Variants in RNF180 observed in about 807,000 individuals in gnomAD.
RNF180 encodes E3 ubiquitin-protein ligase RNF180.
In RNF180, 38 loss-of-function variants were observed where a neutral mutation model predicts 59.2. The ratio of observed to expected loss-of-function variants is 0.64; its 90% confidence interval spans 0.50 to 0.84. The LOEUF is 0.84. RNF180 is among the 40% of genes least tolerant of loss of function. The pLI is 0.00. For missense variants in RNF180, 705 were observed against 700.9 expected (o/e 1.01, Z -0.07); for synonymous variants, 262 against 240.3 (o/e 1.09, Z -0.84).
At chr5:64,302,634 C>G (rs951317682) in intron 5 of RNF180, among the ~76,000 whole-genome samples, 1 of 151,528 alleles carries the variant, frequency 6.6e-6, no homozygotes, top group Admixed American at 6.6e-5. Flanking sequence ...GTATTTTATT[C>G]AAGGTGTTTA....
chr5:64,166,915 A>C (rs143191328), intron 1 of RNF180, among the ~76,000 whole-genome samples: 1 of 152,150 alleles, frequency 6.6e-6, no homozygotes, highest in African/African-American at 2.4e-5. Context: ...TTGTATTTTT[A>C]TATACTCATT....
intron 5 of RNF180, among the ~76,000 whole-genome samples, chr5:64,234,015 A>C (rs576082424): frequency 7.9e-5 from 12 of 152,208 alleles, no homozygotes; most frequent in Non-Finnish European, 1.6e-4. Flanking sequence ...TAGAAATGTC[A>C]GTAGTTTGAT....
At chr5:64,313,620 T>A (rs137974911) in intron 5 of RNF180, among the ~76,000 whole-genome samples, 2 of 152,242 alleles carry the variant, frequency 1.3e-5, no homozygotes, top group East Asian at 3.9e-4. Flanking sequence ...ACATAACATG[T>A]GCATGTGTCT....
chr5:64,309,859 C>G (rs1007640104), intron 5 of RNF180, among the ~76,000 whole-genome samples: 4 of 151,480 alleles, frequency 2.6e-5, no homozygotes, highest in African/African-American at 9.7e-5. Context: ...GGTTGACTGG[C>G]TTTTATATTT....
chr5:64,198,506 A>G (rs942115139), intron 1 of RNF180, among the ~76,000 whole-genome samples: 1 of 152,220 alleles, frequency 6.6e-6, no homozygotes, highest in East Asian at 1.9e-4. Flanking sequence ...TGAAGACTTA[A>G]AACAATCTCC....
At chr5:64,276,600 G>C (rs911484661) in intron 5 of RNF180, among the ~76,000 whole-genome samples, 3 of 151,848 alleles carry the variant, frequency 2.0e-5, no homozygotes, top group Non-Finnish European at 4.4e-5. Context: ...AATGAATTTT[G>C]TTATGGAGCC....
intron 5 of RNF180, among the ~76,000 whole-genome samples, chr5:64,219,284 C>T (rs1752786686): frequency 6.6e-6 from 1 of 151,932 alleles, no homozygotes; most frequent in African/African-American, 2.4e-5. Context: ...TTGAGATAGT[C>T]TTGCATTCCC....
intron 1 of RNF180, among the ~76,000 whole-genome samples, chr5:64,188,071 T>G (rs1410208590): frequency 6.6e-6 from 1 of 152,164 alleles, no homozygotes; most frequent in African/African-American, 2.4e-5. Flanking sequence ...ATCAGTAGGG[T>G]GAGCTGACAT....
intron 7 of RNF180, among the ~76,000 whole-genome samples, chr5:64,335,127 T>G (rs7709221): frequency 0.34 from 50,937 of 151,932 alleles, 9,567 homozygotes; most frequent in African/African-American, 0.52. Context: ...GTTGAACATA[T>G]CTTTATATGT....
chr5:64,210,562 T>C (rs924205839), intron 2 of RNF180, among the ~76,000 whole-genome samples: 1 of 152,170 alleles, frequency 6.6e-6, no homozygotes, highest in African/African-American at 2.4e-5. Flanking sequence ...GCAGTTTGCT[T>C]GCTGGTGAAC....
Position 64,371,010 on chromosome 5 carries a change from A to C in RNF180, c.*1196A>C, listed in dbSNP as rs375251659. ...CCACTATCCAAAAACATTGGGATCA[A>C]CTGGGCTTTAACAGTTTCAATCTAT... On this transcript the variant is annotated 3_prime_UTR_variant, in exon 8 of 8. Transcript: ENST00000389100. The C allele has an allele frequency of 6.6e-6, 1 of 151,724 alleles. No individual in the cohort carries two copies. Among genetic ancestry groups the C allele is most frequent in the Non-Finnish European group, 1.5e-5 (1 of 67,740 alleles). 9.4% of individuals were successfully genotyped at this position (151,724 alleles called of 1,614,324 possible). A position where few individuals can be genotyped will look rare whatever the true frequency, so the allele number is the denominator to read the frequency against.
chr5:64,281,590 C>T (rs569724781), intron 5 of RNF180, among the ~76,000 whole-genome samples: 5 of 152,238 alleles, frequency 3.3e-5, no homozygotes, highest in Admixed American at 1.3e-4. Flanking sequence ...CCTCTGCCTC[C>T]CAGGTTCAAG....
intron 5 of RNF180, among the ~76,000 whole-genome samples, chr5:64,320,994 C>T (rs1278229513): frequency 6.6e-6 from 1 of 151,842 alleles, no homozygotes; most frequent in South Asian, 2.1e-4. Flanking sequence ...GCCGAGATCG[C>T]GCCACTGCAC....
chr5:64,218,279 T>A (rs1442383130), intron 5 of RNF180, among the ~76,000 whole-genome samples: 1 of 152,188 alleles, frequency 6.6e-6, no homozygotes, highest in African/African-American at 2.4e-5. Flanking sequence ...AGAATTAGGA[T>A]TCATTTAAAA....
intron 1 of RNF180, among the ~76,000 whole-genome samples, chr5:64,185,274 G>T (rs939909621): frequency 6.6e-6 from 1 of 152,140 alleles, no homozygotes; most frequent in African/African-American, 2.4e-5. Context: ...TTGTCTGGTA[G>T]ATTAGTTAGT....
chr5:64,259,036 T>C (rs1407214110), intron 5 of RNF180, among the ~76,000 whole-genome samples: 1 of 152,120 alleles, frequency 6.6e-6, no homozygotes, highest in African/African-American at 2.4e-5. Flanking sequence ...GTATATTGTT[T>C]GTTTGTTTGT....
intron 5 of RNF180, among the ~76,000 whole-genome samples, chr5:64,224,737 G>A (rs190678792): frequency 2.0e-5 from 3 of 152,334 alleles, no homozygotes; most frequent in African/African-American, 4.8e-5. Flanking sequence ...AAGTGCTGTG[G>A]TTTGAACATG....
At chr5:64,219,807 C>T (rs529967759) in intron 5 of RNF180, among the ~76,000 whole-genome samples, 1 of 152,216 alleles carries the variant, frequency 6.6e-6, no homozygotes, top group East Asian at 1.9e-4. Flanking sequence ...GCGTGAGCCA[C>T]CGCGCCTGGC....
At chr5:64,326,444 GA>G (rs1354501592) in intron 6 of RNF180, among the ~76,000 whole-genome samples, 1 of 152,044 alleles carries the variant, frequency 6.6e-6, no homozygotes, top group Non-Finnish European at 1.5e-5. Flanking sequence ...ACTCCATTTT[GA>G]CAAAGTATCA....
Sources: allele counts gnomAD v4.1 joint callset (sites outside exome capture counted in the v4.1 genomes callset), GRCh38; gene constraint gnomAD v4.1.1; transcripts MANE v1.5; gene names NCBI Gene and HGNC (gene_info 2026-07-23, HGNC 2026-07-21).